KCNIP4: variants seen among roughly 807,000 people sequenced by gnomAD.
KCNIP4 encodes the protein Kv channel-interacting protein 4.
In KCNIP4, 12 loss-of-function variants were observed where a neutral mutation model predicts 34.0. That is an observed-to-expected ratio of 0.35 (90% CI 0.23 to 0.57). The LOEUF is 0.57. KCNIP4 is among the 20% of genes least tolerant of loss of function. KCNIP4 has a pLI of 0.83. For missense variants in KCNIP4, 238 were observed against 311.7 expected (o/e 0.76, Z 1.78); for synonymous variants, 124 against 102.2 (o/e 1.21, Z -1.29).
intron 1 of KCNIP4, among the ~76,000 whole-genome samples, chr4:21,752,311 C>A (rs1390903393): frequency 6.6e-6 from 1 of 152,112 alleles, no homozygotes; most frequent in Non-Finnish European, 1.5e-5. Context: ...AGGAAACTTA[C>A]AATCATGGTG....
chr4:20,856,820 A>T (rs28363924), intron 2 of KCNIP4, among the ~76,000 whole-genome samples: 2,824 of 152,240 alleles, frequency 0.019, 80 homozygotes, highest in African/African-American at 0.064. Flanking sequence ...TTTTCTGAGC[A>T]GTCTTTCAGT....
chr4:21,217,378 T>C (rs1462346868), intron 1 of KCNIP4, among the ~76,000 whole-genome samples: 1 of 151,904 alleles, frequency 6.6e-6, no homozygotes, highest in Middle Eastern at 3.4e-3. Flanking sequence ...GGGATTGGTG[T>C]TGGGAGGAGA....
chr4:21,455,081 C>G (rs746513421), intron 1 of KCNIP4, among the ~76,000 whole-genome samples: 1 of 152,054 alleles, frequency 6.6e-6, no homozygotes, highest in Non-Finnish European at 1.5e-5. Flanking sequence ...TTCTATGGAT[C>G]TCTTAATATG....
intron 1 of KCNIP4, among the ~76,000 whole-genome samples, chr4:21,944,221 A>C (rs1316902372): frequency 6.6e-6 from 1 of 151,946 alleles, no homozygotes; most frequent in Non-Finnish European, 1.5e-5. Flanking sequence ...GGCTGCACAA[A>C]ATGGGCAAAA....
chr4:20,884,980 C>T (rs902968064), intron 1 of KCNIP4, among the ~76,000 whole-genome samples: 13 of 152,068 alleles, frequency 8.5e-5, no homozygotes, highest in Admixed American at 5.9e-4. Flanking sequence ...GGATTACAGA[C>T]GTGAGCTACT....
At chr4:21,939,066 G>T (rs1163020562) in intron 1 of KCNIP4, among the ~76,000 whole-genome samples, 2 of 152,124 alleles carry the variant, frequency 1.3e-5, no homozygotes. Context: ...AGTTATGGAA[G>T]GCCACAATCT....
intron 5 of KCNIP4, among the ~76,000 whole-genome samples, chr4:20,740,240 C>T (rs189208635): frequency 1.1e-4 from 17 of 152,198 alleles, no homozygotes; most frequent in Admixed American, 7.2e-4. Context: ...GAGAATGCCA[C>T]CAAGATACTC....
At chr4:21,733,452 C>T (rs1348950253) in intron 1 of KCNIP4, among the ~76,000 whole-genome samples, 1 of 152,128 alleles carries the variant, frequency 6.6e-6, no homozygotes, top group Admixed American at 6.6e-5. Flanking sequence ...CACATATACG[C>T]ACCATGGCAC....
At chr4:21,046,578 A>AATTTATTTATTTATTTATTTATTT (rs150325780) in intron 1 of KCNIP4, among the ~76,000 whole-genome samples, 11,166 of 117,876 alleles carry the variant, frequency 0.095, 638 homozygotes, top group African/African-American at 0.17. Context: ...GTTACTAGCT[A>AATTTATTTATTTATTTATTTATTT]ATTTATTTAT....
intron 1 of KCNIP4, among the ~76,000 whole-genome samples, chr4:20,919,935 T>C (rs1461289563): frequency 1.3e-5 from 2 of 152,156 alleles, no homozygotes; most frequent in Non-Finnish European, 1.5e-5. Context: ...AATCCTCTTC[T>C]CTTTCTGGGT....
At chr4:21,066,720 G>A (rs150557506) in intron 1 of KCNIP4, among the ~76,000 whole-genome samples, 3 of 152,266 alleles carry the variant, frequency 2.0e-5, no homozygotes, top group Non-Finnish European at 4.4e-5. Context: ...GAGGCAAATT[G>A]CCCGTCCCAG....
At chr4:21,105,070 C>G (rs1159425592) in intron 1 of KCNIP4, among the ~76,000 whole-genome samples, 1 of 151,610 alleles carries the variant, frequency 6.6e-6, no homozygotes, top group East Asian at 1.9e-4. Context: ...ATTGACTTGG[C>G]AATGTGGTCT....
intron 1 of KCNIP4, chr4:21,304,163 G>A (rs1712160181): frequency 2.2e-5 from 4 of 184,426 alleles, no homozygotes; most frequent in Non-Finnish European, 4.1e-5. Flanking sequence ...GATGGAGATG[G>A]AGAGGCTGAG....
chr4:21,025,094 A>G (rs1018595644), intron 1 of KCNIP4, among the ~76,000 whole-genome samples: 2 of 152,220 alleles, frequency 1.3e-5, no homozygotes, highest in Non-Finnish European at 2.9e-5. Context: ...CTTTAAGAAT[A>G]TCAATAATTT....
chr4:21,636,186 G>A (rs532213697), intron 1 of KCNIP4, among the ~76,000 whole-genome samples: 172 of 150,908 alleles, frequency 1.1e-3, no homozygotes, highest in African/African-American at 3.3e-3. Flanking sequence ...TATACCTAAC[G>A]CTAGATGACG....
At chr4:21,185,780 C>T (rs1334721706) in intron 1 of KCNIP4, among the ~76,000 whole-genome samples, 2 of 152,126 alleles carry the variant, frequency 1.3e-5, no homozygotes, top group African/African-American at 4.8e-5. Flanking sequence ...GTCTTTTTAT[C>T]CATTTCCATA....
At chr4:21,570,429 G>A (rs1740273503) in intron 1 of KCNIP4, among the ~76,000 whole-genome samples, 1 of 152,122 alleles carries the variant, frequency 6.6e-6, no homozygotes. Context: ...ATGGGTCTAG[G>A]TGATAGAAAT....
intron 1 of KCNIP4, among the ~76,000 whole-genome samples, chr4:21,582,651 T>C (rs1174271769): frequency 6.6e-6 from 1 of 152,020 alleles, no homozygotes; most frequent in Non-Finnish European, 1.5e-5. Flanking sequence ...AGAATAGTAT[T>C]TTTCCATTTA....
At chr4:21,389,102 C>T (rs1486931055) in intron 1 of KCNIP4, among the ~76,000 whole-genome samples, 5 of 151,968 alleles carry the variant, frequency 3.3e-5, no homozygotes, top group East Asian at 3.9e-4. Flanking sequence ...CCTCCCACCG[C>T]AACTTCCTTA....
Sources: gnomAD v4.1 joint callset for allele counts (sites outside exome capture counted in the v4.1 genomes callset) on GRCh38, gnomAD v4.1.1 for gene constraint, MANE v1.5 for transcripts, NCBI Gene and HGNC (gene_info 2026-07-23, HGNC 2026-07-21) for gene names.